C3: variants seen among roughly 807,000 people sequenced by gnomAD.
C3 encodes complement C3.
C3 carries 97 observed loss-of-function variants against 207.9 expected under a neutral mutation model. The ratio of observed to expected loss-of-function variants is 0.47; its 90% CI spans 0.40 to 0.55. C3 has a LOEUF of 0.55. C3 is among the 20% of genes least tolerant of loss of function. The pLI is 0.00. For synonymous variants in C3, 848 were observed against 857.6 expected, an observed-to-expected ratio of 0.99 and a Z score of 0.20; for missense variants, 1,684 against 2,171.7, an observed-to-expected ratio of 0.78 and a Z score of 4.46.
Position 6,690,669 on chromosome 19 carries a change from G to A in C3, c.3449C>T (p.Ser1150Leu). The A allele has an allele frequency of 1.2e-6, 2 of 1,614,204 alleles. No individual in the cohort carries two copies. The highest frequency in any genetic ancestry group is 1.7e-6 in the Non-Finnish European group (2 of 1,180,010). ...DMALTAFVLI[S>L]LQEAKDICEE... ...GCAAATATCTTTAGCCTCCTGCAGC[G>A]AGATGAGAACAAAGGCCGTGAGGGC... is the stretch of plus-strand genomic sequence containing the variant. Residue 1150 changes from serine to leucine, a missense_variant, in exon 27 of 41, where the codon TCG (serine) becomes TTG (leucine). By Grantham distance (145) the Ser-to-Leu change is moderately radical. Around this residue, in one of 3 missense-constraint regions of C3, gnomAD observed 1,280 missense variants for 1,739.1 expected, o/e 0.74. Transcript: ENST00000245907.
Position 6,697,041 on chromosome 19 carries a change from C to CA in C3, c.2796+302dup, listed in dbSNP as rs200094017. Reference sequence around the variant, plus strand: ...TGGGGAACAGAGTGAGACTCTGTCTCAAAAAAATAAACAAACAAATAAATA... The same window carrying CA: ...TGGGGAACAGAGTGAGACTCTGTCTCAAAAAAAATAAACAAACAAATAAATA... On this transcript the variant is annotated intron_variant, in intron 21 of 40. Coordinates refer to ENST00000245907, the MANE Select transcript of C3 (RefSeq NM_000064.4). Among the ~76,000 whole-genome samples, 40 of 71,302 alleles carry CA rather than the reference C, an allele frequency of 5.6e-4. 1 individual carries two copies. Among genetic ancestry groups the CA allele is most frequent in the African/African-American group, 1.9e-3 (38 of 19,818 alleles). The allele number at this position is 71,302 out of a possible 152,430, so 46.8% of individuals were successfully genotyped here.
Position 6,684,850 on chromosome 19 carries a change from A to C in C3, c.3970-16T>G, listed in dbSNP as rs766979609. ...TTTCCTTGGTCTGCAGAGTGAAAAG[A>C]GAGAAGAGAGCATGTTGGGAATTAA... On this transcript the variant is annotated splice_polypyrimidine_tract_variant and intron_variant, in intron 30 of 40. Transcript: ENST00000245907. 3 of 1,614,052 alleles carry C rather than the reference A, an allele frequency of 1.9e-6. No individual in the cohort carries two copies. The highest frequency in any genetic ancestry group is 2.5e-6 in the Non-Finnish European group (3 of 1,179,898).
In C3 at chr19:6,707,184, A is replaced by C. The variant is rs1406477738; in HGVS notation, c.2137T>G (p.Phe713Val). Residue 713 changes from phenylalanine to valine, a missense_variant, in exon 17 of 41, where the codon TTC becomes GTC. By Grantham distance (50) the Phe-to-Val change is conservative. Around this residue, in one of 3 missense-constraint regions of C3, gnomAD observed 1,280 missense variants for 1,739.1 expected, o/e 0.74. Coordinates refer to ENST00000245907, the MANE Select transcript of C3 (RefSeq NM_000064.4). ...TTGCACGCCTCGCCCAGGGAGATGA[A>C]ACGGGTCCGGCGCTGGCACGAGAAC... ...MRFSCQRRTRFISLGEACKKV... is the reference protein window; with the variant it reads ...MRFSCQRRTRVISLGEACKKV... The C allele has an allele frequency of 6.2e-7, 1 of 1,613,748 alleles. No homozygotes were observed.
intron 24 of C3, 99 bp from the exon 25 acceptor site, chr19:6,693,586 C>T (rs1301072297): frequency 1.2e-5 from 13 of 1,051,458 alleles, no homozygotes; most frequent in Admixed American, 2.0e-5. Context: ...GACAGGGGCT[C>T]AGGGTGGCGG....
intron 17 of C3, among the ~76,000 whole-genome samples, chr19:6,706,509 CAG>C (rs1967776187): frequency 6.6e-6 from 1 of 152,140 alleles, no homozygotes; most frequent in Admixed American, 6.5e-5. Context: ...CTCCCCTCTT[CAG>C]ACCTGGGTCT....
chr19:6,696,234 A>G (rs1217497483), intron 23 of C3, 145 bp downstream of exon 23: 5 of 622,092 alleles, frequency 8.0e-6, no homozygotes, highest in East Asian at 2.8e-5. Flanking sequence ...AAAAAAATGT[A>G]AAAGAGGGAA....
chr19:6,706,422 C>T (rs765707418), intron 17 of C3, among the ~76,000 whole-genome samples: 7 of 152,174 alleles, frequency 4.6e-5, no homozygotes, highest in Non-Finnish European at 8.8e-5. Flanking sequence ...CTGTCCCTTC[C>T]AGACAGGAGT....
chr19:6,681,029 A>G (rs1007186267), intron 35 of C3, among the ~76,000 whole-genome samples: 2 of 152,060 alleles, frequency 1.3e-5, no homozygotes, highest in East Asian at 3.9e-4. Flanking sequence ...CAAGACCCCC[A>G]TCTCTACAAA....
chr19:6,696,229 A>C, intron 23 of C3, 150 bp downstream of exon 23: 1 of 611,300 alleles, frequency 1.6e-6, no homozygotes, highest in South Asian at 1.9e-5. Context: ...AAAAAAAAAA[A>C]ATGTAAAAGA....
Position 6,690,669 on chromosome 19 carries a change from G to C in C3, c.3449C>G (p.Ser1150Trp), listed in dbSNP as rs1178318400. Residue 1150 changes from serine to tryptophan, a missense_variant, in exon 27 of 41, where the codon TCG (serine) becomes TGG (tryptophan). Transcript: ENST00000245907. Reference protein sequence around the residue: ...DMALTAFVLISLQEAKDICEE... With the variant: ...DMALTAFVLIWLQEAKDICEE... ...GCAAATATCTTTAGCCTCCTGCAGC[G>C]AGATGAGAACAAAGGCCGTGAGGGC... The C allele has an allele frequency of 7.4e-6, 12 of 1,614,086 alleles. No individual in the cohort carries two copies. The highest frequency in any genetic ancestry group is 1.3e-5 in the African/African-American group (1 of 74,940).
At chr19:6,710,237 GGAGA>G (rs1340128852) in intron 13 of C3, among the ~76,000 whole-genome samples, 4 of 91,892 alleles carry the variant, frequency 4.4e-5, no homozygotes, top group African/African-American at 1.2e-4. Flanking sequence ...GGAGAGAGAG[GGAGA>G]GAGAGAAAGG....
At chr19:6,683,832 T>C (rs1026880943) in intron 33 of C3, among the ~76,000 whole-genome samples, 1 of 152,276 alleles carries the variant, frequency 6.6e-6, no homozygotes, top group African/African-American at 2.4e-5. Context: ...TAGTGGCTCA[T>C]GCTTGTGATC....
Position 6,718,180 on chromosome 19 carries a change from G to A in C3, c.434-16C>T. 2 of 1,614,174 alleles carry A rather than the reference G, an allele frequency of 1.2e-6. No homozygotes were observed. Among genetic ancestry groups the A allele is most frequent in the Non-Finnish European group, 1.7e-6 (2 of 1,180,016 alleles). On this transcript the variant is annotated splice_polypyrimidine_tract_variant and intron_variant, in intron 3 of 40. Transcript: ENST00000245907. ...CGATAGAGAACTGGGGAGAGACAAA[G>A]AGGCCTCGTGAGACCCTAGCCCGCC...
chr19:6,709,585 GC>G, intron 14 of C3, 98 bp downstream of exon 14: 3 of 1,293,648 alleles, frequency 2.3e-6, no homozygotes, highest in Non-Finnish European at 3.3e-6. Flanking sequence ...TTCAGCGCAT[GC>G]CCCCCACTGC....
chr19:6,707,813 G>A lies in C3; in HGVS notation c.1962C>T (p.Thr654=), dbSNP rs1967813012. 5 of 1,613,588 alleles carry A rather than the reference G, an allele frequency of 3.1e-6. No homozygotes were observed. Among genetic ancestry groups the A allele is most frequent in the Non-Finnish European group, 3.4e-6 (4 of 1,179,982 alleles). Residue 654 remains threonine (T), a synonymous_variant, in exon 15 of 41, where the codon ACC becomes ACT. Coordinates refer to ENST00000245907, the MANE Select transcript of C3 (RefSeq NM_000064.4). ...TGGCGACCTCACCTGCCCTCTGGGC[G>A]GTCTGCTGGCCACTGCTGCTCGTGA... The part of the protein sequence containing the change: ...LTFTSSSGQQ[T]AQRAELQCPQ...
chr19:6,716,644 C>T (rs943745765), intron 4 of C3: 2 of 152,224 alleles, frequency 1.3e-5, no homozygotes, highest in Non-Finnish European at 2.9e-5. Flanking sequence ...TTAAACCCAA[C>T]TATATACCAG....
At chr19:6,693,197 C>A in intron 25 of C3, 114 bp from the exon 26 acceptor site, 1 of 1,305,140 alleles carries the variant, frequency 7.7e-7, no homozygotes, top group Non-Finnish European at 1.1e-6. Context: ...GCCTGGTTTG[C>A]CTTCCCAGGC....
At chr19:6,717,637 T>G in intron 4 of C3, 1 of 279,500 alleles carries the variant, frequency 3.6e-6, no homozygotes. Flanking sequence ...TGTTGTGTGG[T>G]TGTGTGTTGT....
chr19:6,691,072 T>TTG (rs1918154444), intron 26 of C3, among the ~76,000 whole-genome samples: 1 of 147,448 alleles, frequency 6.8e-6, no homozygotes, highest in South Asian at 2.2e-4. Context: ...TTTTTTTTTT[T>TTG]GGGACAGTTT....
Sources: allele counts gnomAD v4.1 joint callset (sites outside exome capture counted in the v4.1 genomes callset), GRCh38; gene constraint gnomAD v4.1.1; regional missense constraint gnomAD v4.1.1; transcripts MANE v1.5; gene names NCBI Gene and HGNC (gene_info 2026-07-23, HGNC 2026-07-21).